Variants in AGBL4 observed in about 807,000 individuals in gnomAD.
AGBL4 encodes the protein AGBL carboxypeptidase 4.
Under a neutral mutation model 66.4 loss-of-function variants are expected in AGBL4, and 58 were observed. That is an observed-to-expected ratio of 0.87 (90% CI 0.71 to 1.09). The LOEUF (loss-of-function observed/expected upper bound fraction) is 1.09. AGBL4 is among the 50% of genes least tolerant of loss of function. The pLI is 0.00. For missense variants in AGBL4, 579 were observed against 631.0 expected (o/e 0.92, Z 0.88); for synonymous variants, 234 against 222.9 (o/e 1.05, Z -0.44).
intron 5 of AGBL4, among the ~76,000 whole-genome samples, chr1:49,019,268 G>A (rs893154489): frequency 5.3e-5 from 8 of 152,122 alleles, no homozygotes; most frequent in Admixed American, 3.3e-4. Context: ...ACTTCCAGGG[G>A]TTTCAGGATA....
Position 50,003,070 on chromosome 1 carries a change from A to G in AGBL4, c.34+20693T>C, listed in dbSNP as rs1394093706. Among the ~76,000 whole-genome samples the G allele has an allele frequency of 2.0e-5, 3 of 152,180 alleles. No individual in the cohort carries two copies. The East Asian group carries it at 5.8e-4, about 29-fold the overall frequency. On this transcript the variant is annotated intron_variant, in intron 1 of 13. Coordinates refer to ENST00000371839, the MANE Select transcript of AGBL4 (RefSeq NM_032785.4). ...GTCCAATGAGACATTCACCCACCCC[A>G]TATTAACTCATGTCTGATATAAATT... is the stretch of plus-strand genomic sequence containing the variant.
At chr1:49,714,569 CATAT>C (rs60965691) in intron 2 of AGBL4, among the ~76,000 whole-genome samples, 54,193 of 141,656 alleles carry the variant, frequency 0.38, 12,470 homozygotes, top group Non-Finnish European at 0.52. Context: ...GTAGTATTTA[CATAT>C]ATATATATAT....
intron 1 of AGBL4, among the ~76,000 whole-genome samples, chr1:49,980,736 G>A (rs1658992414): frequency 6.6e-6 from 1 of 152,158 alleles, no homozygotes. Flanking sequence ...ACATGAGTGT[G>A]CAAATATCTC....
intron 5 of AGBL4, among the ~76,000 whole-genome samples, chr1:48,984,494 G>A (rs942517956): frequency 4.1e-5 from 6 of 147,572 alleles, no homozygotes; most frequent in African/African-American, 1.5e-4. Context: ...TTTCCCATCC[G>A]CCTATCATAT....
At chr1:49,125,136 A>G (rs1164796933) in intron 4 of AGBL4, among the ~76,000 whole-genome samples, 1 of 152,196 alleles carries the variant, frequency 6.6e-6, no homozygotes, top group Non-Finnish European at 1.5e-5. Context: ...TGGGCATTTA[A>G]TATTCAATAG....
chr1:49,439,024 A>G (rs959740801), intron 3 of AGBL4, among the ~76,000 whole-genome samples: 3 of 152,134 alleles, frequency 2.0e-5, no homozygotes, highest in Non-Finnish European at 4.4e-5. Context: ...CCCACCTATT[A>G]ATATTGTTAC....
chr1:49,633,781 A>G (rs1645616117), intron 3 of AGBL4, among the ~76,000 whole-genome samples: 1 of 150,664 alleles, frequency 6.6e-6, no homozygotes, highest in Non-Finnish European at 1.5e-5. Flanking sequence ...ATGTATATTT[A>G]AATATTTCAT....
At chr1:49,617,530 T>A (rs1645272415) in intron 3 of AGBL4, among the ~76,000 whole-genome samples, 1 of 152,224 alleles carries the variant, frequency 6.6e-6, no homozygotes, top group Admixed American at 6.5e-5. Context: ...TGTGTGATTC[T>A]AAAGTTTATG....
chr1:49,215,822 CCT>C (rs1269773118), intron 4 of AGBL4, among the ~76,000 whole-genome samples: 1 of 151,954 alleles, frequency 6.6e-6, no homozygotes, highest in Admixed American at 6.6e-5. Context: ...CTTCCTTCTC[CCT>C]CTTTCCCCCA....
At chr1:49,685,915 T>C (rs1646779348) in intron 3 of AGBL4, among the ~76,000 whole-genome samples, 1 of 152,238 alleles carries the variant, frequency 6.6e-6, no homozygotes, top group African/African-American at 2.4e-5. Context: ...GTCCCATTTG[T>C]CAATTTTTGT....
chr1:49,723,564 A>T (rs1267329034), intron 2 of AGBL4, among the ~76,000 whole-genome samples: 1 of 152,052 alleles, frequency 6.6e-6, no homozygotes, highest in Non-Finnish European at 1.5e-5. Flanking sequence ...CATTTCCTCA[A>T]GCTATTCCAC....
intron 3 of AGBL4, among the ~76,000 whole-genome samples, chr1:49,475,406 T>A (rs552781640): frequency 6.6e-6 from 1 of 151,980 alleles, no homozygotes; most frequent in Non-Finnish European, 1.5e-5. Context: ...TTTTGTTTTG[T>A]CTTTGCCAGA....
At chr1:48,901,577 A>C (rs1317977260) in intron 5 of AGBL4, among the ~76,000 whole-genome samples, 2 of 152,246 alleles carry the variant, frequency 1.3e-5, no homozygotes, top group African/African-American at 4.8e-5. Flanking sequence ...ACATGGATGA[A>C]TCTCAGAATG....
At chr1:49,292,434 G>A (rs867014576) in intron 3 of AGBL4, among the ~76,000 whole-genome samples, 14 of 152,286 alleles carry the variant, frequency 9.2e-5, no homozygotes, top group Middle Eastern at 3.4e-3. Flanking sequence ...TGACTAGAGG[G>A]GGAACTTACG....
intron 6 of AGBL4, among the ~76,000 whole-genome samples, chr1:48,756,102 C>T (rs1004440196): frequency 1.3e-5 from 2 of 152,130 alleles, no homozygotes; most frequent in Admixed American, 6.5e-5. Flanking sequence ...AGGCACTATG[C>T]GGTGTGTCAC....
chr1:49,554,031 C>T (rs1232599510), intron 3 of AGBL4, among the ~76,000 whole-genome samples: 4 of 152,022 alleles, frequency 2.6e-5, no homozygotes, highest in Admixed American at 6.6e-5. Flanking sequence ...ACTCAGGAAA[C>T]CTGAGGGGAG....
intron 6 of AGBL4, among the ~76,000 whole-genome samples, chr1:48,725,678 C>G (rs1647228452): frequency 6.6e-6 from 1 of 152,190 alleles, no homozygotes; most frequent in Non-Finnish European, 1.5e-5. Flanking sequence ...CCACTGCTGA[C>G]AGACAGCTCC....
chr1:48,779,766 T>G (rs1011249242), intron 6 of AGBL4, among the ~76,000 whole-genome samples: 6 of 148,730 alleles, frequency 4.0e-5, no homozygotes, highest in African/African-American at 1.0e-4. Flanking sequence ...CAGGCTGGAG[T>G]GCAATGGCCT....
chr1:49,215,484 TA>T (rs376179134), intron 4 of AGBL4, among the ~76,000 whole-genome samples: 295 of 152,276 alleles, frequency 1.9e-3, no homozygotes, highest in South Asian at 0.01. Flanking sequence ...GGAGGTTATG[TA>T]AACTGCCAAA....
Sources: allele counts gnomAD v4.1 joint callset (sites outside exome capture counted in the v4.1 genomes callset), GRCh38; gene constraint gnomAD v4.1.1; transcripts MANE v1.5; gene names NCBI Gene and HGNC (gene_info 2026-07-23, HGNC 2026-07-21).